The following SPMIP8 variants were observed in gnomAD, a reference collection of about 807,000 sequenced individuals.
SPMIP8 encodes testicular tissue protein Li 196.
the SPMIP8 span, among the ~76,000 whole-genome samples, chr16:57,983,769 A>G: frequency 2.9e-3 from 440 of 151,936 alleles, 5 homozygotes; most frequent in African/African-American, 0.01. Flanking sequence ...GTGCCACCAC[A>G]CTCAACTAAT....
the SPMIP8 span, among the ~76,000 whole-genome samples, chr16:57,977,426 A>AAAAG: frequency 2.2e-5 from 3 of 138,074 alleles, no homozygotes; most frequent in Admixed American, 1.4e-4. Context: ...AAAAAAAAAG[A>AAAAG]AAAGAAAGAA....
chr16:57,984,196 G>T, the SPMIP8 span: 2 of 1,061,726 alleles, frequency 1.9e-6, no homozygotes, highest in Admixed American at 1.7e-5. Context: ...GAGCCATCGT[G>T]CCCGGCCTCA....
At chr16:57,984,279 T>C in the SPMIP8 span, 1 of 1,613,272 alleles carries the variant, frequency 6.2e-7, no homozygotes, top group African/African-American at 1.3e-5. Flanking sequence ...AGACACCTCT[T>C]CTCCCTTTCT....
chr16:57,985,622 C>G, the SPMIP8 span: 6 of 1,503,010 alleles, frequency 4.0e-6, no homozygotes, highest in African/African-American at 8.5e-5. Flanking sequence ...TCCTAGCGCA[C>G]AGGCAATGCC....
the SPMIP8 span, chr16:57,984,365 G>T: frequency 6.2e-7 from 1 of 1,614,168 alleles, no homozygotes; most frequent in Non-Finnish European, 8.5e-7. Flanking sequence ...GCAGTGTTTG[G>T]TGAGTGTCCT....
chr16:57,980,372 A>C, the SPMIP8 span, among the ~76,000 whole-genome samples: 1 of 152,234 alleles, frequency 6.6e-6, no homozygotes, highest in African/African-American at 2.4e-5. Flanking sequence ...TTAACCTTTA[A>C]ATGTATTACA....
At chr16:57,984,433 A>C in the SPMIP8 span, 3 of 1,588,384 alleles carry the variant, frequency 1.9e-6, no homozygotes, top group Non-Finnish European at 2.6e-6. Flanking sequence ...TGGTCCTGGG[A>C]TCTACACCCC....
the SPMIP8 span, chr16:57,985,931 T>G: frequency 1.2e-6 from 2 of 1,612,468 alleles, no homozygotes. Flanking sequence ...AAGCTTCGGC[T>G]CCAGCTACAG....
At chr16:57,981,415 T>TAA in the SPMIP8 span, among the ~76,000 whole-genome samples, 1 of 141,684 alleles carries the variant, frequency 7.1e-6, no homozygotes, top group Non-Finnish European at 1.5e-5. Context: ...ATAATAATAA[T>TAA]TATTATTATT....
the SPMIP8 span, among the ~76,000 whole-genome samples, chr16:57,983,289 G>A: frequency 6.6e-6 from 1 of 151,612 alleles, no homozygotes; most frequent in South Asian, 2.1e-4. Context: ...GGCATTTTTT[G>A]TTTTGCTTGA....
At chr16:57,987,900 A>G in the SPMIP8 span, 1 of 154,796 alleles carries the variant, frequency 6.5e-6, no homozygotes, top group African/African-American at 2.4e-5. Flanking sequence ...AGCTCTTGTC[A>G]TACTGGTGTG....
At chr16:57,983,574 G>T in the SPMIP8 span, among the ~76,000 whole-genome samples, 1 of 151,978 alleles carries the variant, frequency 6.6e-6, no homozygotes, top group Non-Finnish European at 1.5e-5. Flanking sequence ...AAGGTAAGAT[G>T]TGAATACTAT....
At chr16:57,981,423 ATTATTATT>A in the SPMIP8 span, among the ~76,000 whole-genome samples, 13 of 137,008 alleles carry the variant, frequency 9.5e-5, no homozygotes, top group African/African-American at 3.6e-4. Context: ...AATTATTATT[ATTATTATT>A]ATAATTTGGT....
At chr16:57,985,284 G>T in the SPMIP8 span, 13 of 1,559,280 alleles carry the variant, frequency 8.3e-6, no homozygotes, top group Admixed American at 1.2e-4. Flanking sequence ...AGCGCTGCGC[G>T]CAGACCCGTC....
At chr16:57,981,392 A>AATTATTATTATTATAATAATAATTATT in the SPMIP8 span, among the ~76,000 whole-genome samples, 4 of 83,586 alleles carry the variant, frequency 4.8e-5, no homozygotes, top group Admixed American at 2.2e-4. Context: ...TAATAATAAT[A>AATTATTATTATTATAATAATAATTATT]ATTATTATTA....
chr16:57,978,573 CATA>C, the SPMIP8 span, among the ~76,000 whole-genome samples: 1 of 151,866 alleles, frequency 6.6e-6, no homozygotes, highest in South Asian at 2.1e-4. Context: ...GTGCCTGGCA[CATA>C]ATATGTGCTC....
At chr16:57,978,465 G>A in the SPMIP8 span, among the ~76,000 whole-genome samples, 1 of 151,912 alleles carries the variant, frequency 6.6e-6, no homozygotes, top group African/African-American at 2.4e-5. Flanking sequence ...GCTTAAACCT[G>A]GGAGGCGGAG....
chr16:57,984,558 C>A, the SPMIP8 span: 1 of 1,499,046 alleles, frequency 6.7e-7, no homozygotes, highest in African/African-American at 1.4e-5. Flanking sequence ...CAACTGAGGC[C>A]TTTGGGATGG....
the SPMIP8 span, chr16:57,985,632 C>G: frequency 6.7e-7 from 1 of 1,491,722 alleles, no homozygotes; most frequent in Non-Finnish European, 9.0e-7. Flanking sequence ...CAGGCAATGC[C>G]CCTTGAAAAC....
Sources: allele counts gnomAD v4.1 joint callset (sites outside exome capture counted in the v4.1 genomes callset), GRCh38; gene constraint gnomAD v4.1.1; transcripts MANE v1.5; gene names NCBI Gene and HGNC (gene_info 2026-07-23, HGNC 2026-07-21).